Variants in ATF7IP observed in about 807,000 individuals in gnomAD.
The protein encoded by ATF7IP is activating transcription factor 7 interacting protein.
Under a neutral mutation model 106.4 loss-of-function variants are expected in ATF7IP, and 23 were observed. The ratio of observed to expected loss-of-function variants is 0.22; its 90% confidence interval spans 0.16 to 0.31. ATF7IP has a LOEUF of 0.31. Among genes scored for constraint, ATF7IP ranks in the 10% least tolerant of loss-of-function variants. The pLI, the probability that ATF7IP is intolerant of heterozygous loss-of-function variation, is 1.00. For missense variants in ATF7IP, 1,334 were observed against 1,524.3 expected (o/e 0.88, Z 2.08); for synonymous variants, 542 against 539.0 (o/e 1.01, Z -0.08).
At chr12:14,490,755 C>T (rs1944789125) in intron 13 of ATF7IP, among the ~76,000 whole-genome samples, 1 of 152,078 alleles carries the variant, frequency 6.6e-6, no homozygotes, top group Non-Finnish European at 1.5e-5. Flanking sequence ...GGCATTTGAG[C>T]CACTCCTCAT....
At chr12:14,482,182 A>T (rs1259390851) in intron 13 of ATF7IP, 6 of 152,254 alleles carry the variant, frequency 3.9e-5, no homozygotes, top group Non-Finnish European at 8.8e-5. Flanking sequence ...CATCAAAGGT[A>T]ACCACTGTTC....
At chr12:14,408,751 T>A (rs887615540) in intron 1 of ATF7IP, among the ~76,000 whole-genome samples, 1 of 152,202 alleles carries the variant, frequency 6.6e-6, no homozygotes, top group Non-Finnish European at 1.5e-5. Flanking sequence ...ATGGGTATAT[T>A]TTATTACTTT....
rs149245710 is a variant in ATF7IP, at chr12:14,457,264, A to G, written c.2127A>G (p.Ala709=). Reference sequence around the variant, plus strand: ...CCAAAAGAAATGTAAGCGAGAGTGCACCACCATCCTTTCAAACTCCTGTGA... The same window carrying G: ...CCAAAAGAAATGTAAGCGAGAGTGCGCCACCATCCTTTCAAACTCCTGTGA... ...LESKRNVSES[A]PPSFQTPVNT... is the part of the protein sequence containing the mutation. The change falls in exon 8 of 15, where the codon GCA becomes GCG. Residue 709 remains alanine (A), a synonymous_variant. Coordinates refer to ENST00000261168, the MANE Select transcript of ATF7IP (RefSeq NM_018179.5). The G allele has an allele frequency of 5.0e-6, 8 of 1,612,714 alleles. No homozygotes were observed. The African/African-American group carries it at 9.4e-5, about 19-fold the overall frequency.
At chr12:14,416,881 G>A (rs778084965) in intron 1 of ATF7IP, 84 of 982,270 alleles carry the variant, frequency 8.6e-5, no homozygotes, top group Non-Finnish European at 9.2e-5. Context: ...TGAAGCAGCT[G>A]TTGATATATT....
At chr12:14,432,289 C>T (rs1367192992) in intron 2 of ATF7IP, among the ~76,000 whole-genome samples, 2 of 152,142 alleles carry the variant, frequency 1.3e-5, no homozygotes, top group African/African-American at 2.4e-5. Context: ...TACTCTGTCT[C>T]TCTGGAAACT....
At chr12:14,422,616 C>T (rs1199671081) in intron 1 of ATF7IP, among the ~76,000 whole-genome samples, 4 of 152,136 alleles carry the variant, frequency 2.6e-5, no homozygotes. Flanking sequence ...CTAGATTTGC[C>T]TACTCTGGAC....
At chr12:14,432,469 CTT>C (rs1460642794) in intron 2 of ATF7IP, among the ~76,000 whole-genome samples, 7 of 152,100 alleles carry the variant, frequency 4.6e-5, no homozygotes, top group African/African-American at 1.7e-4. Flanking sequence ...TCTTAAAACA[CTT>C]AAAATGAGCA....
intron 13 of ATF7IP, among the ~76,000 whole-genome samples, chr12:14,487,872 T>C (rs1472506556): frequency 6.6e-6 from 1 of 152,212 alleles, no homozygotes; most frequent in African/African-American, 2.4e-5. Context: ...TGTTCCTTGG[T>C]TCTCCACATA....
chr12:14,400,742 C>T (rs1320580282), intron 1 of ATF7IP, among the ~76,000 whole-genome samples: 1 of 152,048 alleles, frequency 6.6e-6, no homozygotes, highest in Non-Finnish European at 1.5e-5. Flanking sequence ...GCTTGTTTGT[C>T]CTTAAAAATG....
intron 10 of ATF7IP, among the ~76,000 whole-genome samples, chr12:14,468,493 TAAAA>T (rs5796596): frequency 1.4e-5 from 2 of 143,220 alleles, no homozygotes; most frequent in Non-Finnish European, 1.5e-5. Flanking sequence ...AGAAGAAACT[TAAAA>T]AAAAAAAAAA....
Position 14,460,750 on chromosome 12 carries a change from T to C in ATF7IP, c.2414T>C (p.Leu805Ser). ...PQLLQSHPGT[L>S]VTNQPSGNVE... ...CTTCTACAGAGCCATCCAGGGACTT[T>C]GGTGACTAATCAACCATCTGGCAAT... The change falls in exon 9 of 15, where the codon TTG becomes TCG. Residue 805 changes from leucine to serine, a missense_variant. Leu to Ser is a moderately radical substitution (Grantham distance 145). Around this residue, in one of 10 missense-constraint regions of ATF7IP, gnomAD observed 16 missense variants for 43.5 expected, o/e 0.37. Coordinates refer to ENST00000261168, the MANE Select transcript of ATF7IP (RefSeq NM_018179.5). 6.2e-7 allele frequency: 1 copy of C among 1,614,236 alleles called. No individual in the cohort carries two copies. The highest frequency in any genetic ancestry group is 8.5e-7 in the Non-Finnish European group (1 of 1,180,024).
intron 2 of ATF7IP, among the ~76,000 whole-genome samples, chr12:14,431,213 C>A (rs746592006): frequency 1.1e-4 from 16 of 151,994 alleles, no homozygotes; most frequent in Non-Finnish European, 2.1e-4. Context: ...TTTGGGATTA[C>A]CAAAATTATG....
intron 1 of ATF7IP, among the ~76,000 whole-genome samples, chr12:14,380,165 T>C (rs1938938961): frequency 6.6e-6 from 1 of 152,210 alleles, no homozygotes. Context: ...TCCTTTTCTA[T>C]AGCATTCTAT....
In ATF7IP at chr12:14,392,749, C is replaced by T. The variant is rs1565477825; in HGVS notation, c.-8+26922C>T. 6.6e-5 allele frequency among the ~76,000 whole-genome samples: 10 copies of T among 152,312 alleles called. No homozygotes were observed. In the South Asian group the frequency reaches 8.3e-4, roughly 13 times the overall value. Reference sequence around the variant, plus strand: ...ATGTGGCCTGTGATCAGTCTGAGAACTGTTCGCTTCTGGTCCTCTGTGAGA... The same window carrying T: ...ATGTGGCCTGTGATCAGTCTGAGAATTGTTCGCTTCTGGTCCTCTGTGAGA... On this transcript the variant is annotated intron_variant, in intron 1 of 14. Transcript: ENST00000261168.
chr12:14,409,907 T>A (rs540498480), intron 1 of ATF7IP, among the ~76,000 whole-genome samples: 1 of 152,298 alleles, frequency 6.6e-6, no homozygotes, highest in African/African-American at 2.4e-5. Context: ...GCTATTTTTT[T>A]TAAAATATCT....
chr12:14,496,987 C>T (rs1327113001), intron 14 of ATF7IP, among the ~76,000 whole-genome samples: 1 of 152,122 alleles, frequency 6.6e-6, no homozygotes, highest in African/African-American at 2.4e-5. Context: ...TCTTCATGTA[C>T]CCTATGTCCA....
In ATF7IP at chr12:14,498,187, A is replaced by G. The variant is rs368414324; in HGVS notation, c.*114A>G. ...ACCTTGTGCAAGATTTCTTGGACAGATGTGTGTATACACTACATTTGTTTA... is the reference window on the plus strand; with the variant it reads ...ACCTTGTGCAAGATTTCTTGGACAGGTGTGTGTATACACTACATTTGTTTA... On this transcript the variant is annotated 3_prime_UTR_variant, in exon 15 of 15. Transcript: ENST00000261168. 7 of 986,572 alleles carry G rather than the reference A, an allele frequency of 7.1e-6. No homozygotes were observed. Among genetic ancestry groups the G allele is most frequent in the South Asian group, 3.2e-5 (2 of 62,446 alleles). 61.1% of individuals were successfully genotyped at this position (986,572 alleles called of 1,614,324 possible).
intron 5 of ATF7IP, among the ~76,000 whole-genome samples, chr12:14,442,460 G>A (rs1207287602): frequency 2.0e-5 from 3 of 152,096 alleles, no homozygotes; most frequent in Non-Finnish European, 4.4e-5. Flanking sequence ...TTAGCCAATC[G>A]AGTCCTGTTA....
intron 1 of ATF7IP, chr12:14,385,473 T>A: frequency 7.4e-7 from 1 of 1,354,810 alleles, no homozygotes; most frequent in Non-Finnish European, 1.0e-6. Context: ...TAACTGAGTT[T>A]ACTTAGAGGG....
Sources: gnomAD v4.1 joint callset for allele counts (sites outside exome capture counted in the v4.1 genomes callset) on GRCh38, gnomAD v4.1.1 for gene constraint, gnomAD v4.1.1 regional missense constraint, MANE v1.5 for transcripts, NCBI Gene and HGNC (gene_info 2026-07-23, HGNC 2026-07-21) for gene names.